RIMS2: variants seen among roughly 807,000 people sequenced by gnomAD.
RIMS2 encodes the protein regulating synaptic membrane exocytosis 2.
Under a neutral mutation model 174.4 loss-of-function variants are expected in RIMS2, and 59 were observed. The ratio of observed to expected loss-of-function variants is 0.34; its 90% CI spans 0.27 to 0.42. The LOEUF is 0.42. RIMS2 is among the 10% of genes least tolerant of loss of function. The pLI, the probability that RIMS2 is intolerant of heterozygous loss-of-function variation, is 1.00. For missense variants in RIMS2, 1,620 were observed against 1,666.3 expected, an observed-to-expected ratio of 0.97 and a Z score of 0.48; for synonymous variants, 606 against 572.5, an observed-to-expected ratio of 1.06 and a Z score of -0.84.
At chr8:104,129,554 G>C (rs576594341) in intron 19 of RIMS2, among the ~76,000 whole-genome samples, 1 of 152,336 alleles carries the variant, frequency 6.6e-6, no homozygotes, top group Admixed American at 6.5e-5. Flanking sequence ...GCCAGATAGG[G>C]CGATGCATTC....
chr8:104,049,852 A>C (rs1410967320), intron 19 of RIMS2, among the ~76,000 whole-genome samples: 1 of 152,264 alleles, frequency 6.6e-6, no homozygotes, highest in East Asian at 1.9e-4. Flanking sequence ...TTAAATGTCT[A>C]GCAGGTGGCC....
At chr8:104,039,829 T>C (rs1334842229) in intron 19 of RIMS2, among the ~76,000 whole-genome samples, 1 of 151,730 alleles carries the variant, frequency 6.6e-6, no homozygotes, top group East Asian at 1.9e-4. Flanking sequence ...TTAATGTGTA[T>C]TAGTATATTT....
At chr8:103,767,012 T>A (rs1436931957) in intron 3 of RIMS2, among the ~76,000 whole-genome samples, 1 of 152,178 alleles carries the variant, frequency 6.6e-6, no homozygotes, top group Non-Finnish European at 1.5e-5. Context: ...ATCAGGTTTA[T>A]AGTGAAGGAT....
intron 1 of RIMS2, among the ~76,000 whole-genome samples, chr8:103,585,898 T>A (rs1311287838): frequency 1.3e-5 from 2 of 149,612 alleles, no homozygotes; most frequent in Admixed American, 6.6e-5. Context: ...AGAAAAATTT[T>A]AAAAAATTGC....
At chr8:103,989,790 A>C (rs559315831) in intron 17 of RIMS2, among the ~76,000 whole-genome samples, 2 of 152,340 alleles carry the variant, frequency 1.3e-5, no homozygotes, top group African/African-American at 2.4e-5. Flanking sequence ...ATGAGACAAA[A>C]GATTTTAAAG....
At chr8:103,904,023 C>A (rs1173567908) in intron 4 of RIMS2, among the ~76,000 whole-genome samples, 2 of 152,008 alleles carry the variant, frequency 1.3e-5, no homozygotes, top group Non-Finnish European at 2.9e-5. Flanking sequence ...ATATAACCAC[C>A]ACTTCTATAA....
intron 1 of RIMS2, among the ~76,000 whole-genome samples, chr8:103,648,068 T>TC (rs1404045369): frequency 6.6e-6 from 1 of 152,024 alleles, no homozygotes; most frequent in African/African-American, 2.4e-5. Context: ...GCTATAAATT[T>TC]CCCCCCTAAC....
chr8:103,900,926 A>T (rs940533295), intron 4 of RIMS2, among the ~76,000 whole-genome samples: 12 of 152,088 alleles, frequency 7.9e-5, no homozygotes, highest in African/African-American at 2.9e-4. Context: ...TGTTTTGATT[A>T]TATAGATTGG....
chr8:103,533,447 G>A (rs916521929), intron 1 of RIMS2, among the ~76,000 whole-genome samples: 52 of 152,048 alleles, frequency 3.4e-4, no homozygotes, highest in African/African-American at 1.2e-3. Context: ...TGAATAGTCA[G>A]TGTGGAACAA....
chr8:103,693,724 G>A (rs1410871876), intron 1 of RIMS2, among the ~76,000 whole-genome samples: 4 of 152,172 alleles, frequency 2.6e-5, no homozygotes, highest in Non-Finnish European at 5.9e-5. Flanking sequence ...GTCAGCAGGT[G>A]TGTGTCCCTG....
At chr8:103,763,780 A>G (rs117296789) in intron 2 of RIMS2, among the ~76,000 whole-genome samples, 8,218 of 152,234 alleles carry the variant, frequency 0.054, 320 homozygotes, top group Non-Finnish European at 0.079. Context: ...TAGTGTTTCC[A>G]ATTCTTTTTC....
intron 17 of RIMS2, among the ~76,000 whole-genome samples, chr8:104,010,899 T>G (rs902892276): frequency 6.6e-6 from 1 of 152,184 alleles, no homozygotes; most frequent in Non-Finnish European, 1.5e-5. Flanking sequence ...AAATGACTTA[T>G]ATTGAAATAA....
rs145506601 is a variant in RIMS2, at chr8:104,233,358, G to A, written c.3335-11558G>A. Among the ~76,000 whole-genome samples, 74 of 152,160 alleles carry A rather than the reference G, an allele frequency of 4.9e-4. No individual in the cohort carries two copies. The East Asian group carries it at 8.7e-3, about 18-fold the overall frequency. ...AGCTGAAAACAAGTTATCTGCCTCC[G>A]TTATCTGACTCTGTTAAATCTAATT... On this transcript the variant is annotated intron_variant, in intron 19 of 23. Coordinates refer to ENST00000504942, the Ensembl canonical transcript of RIMS2.
chr8:103,607,399 G>A (rs553944151), intron 1 of RIMS2, among the ~76,000 whole-genome samples: 1 of 151,806 alleles, frequency 6.6e-6, no homozygotes, highest in Non-Finnish European at 1.5e-5. Flanking sequence ...TTCCCTTTGA[G>A]GGTAACCCGA....
chr8:103,658,797 A>G (rs1219530023), intron 1 of RIMS2, among the ~76,000 whole-genome samples: 1 of 151,252 alleles, frequency 6.6e-6, no homozygotes, highest in African/African-American at 2.4e-5. Flanking sequence ...ATCTCAGGTC[A>G]TAGAGAGTTG....
chr8:104,133,134 C>T (rs963835781), intron 19 of RIMS2, among the ~76,000 whole-genome samples: 3 of 152,194 alleles, frequency 2.0e-5, no homozygotes, highest in Non-Finnish European at 4.4e-5. Context: ...ACTTCATAAC[C>T]TTTCTGCCCT....
chr8:103,780,319 C>T (rs985470612), intron 3 of RIMS2, among the ~76,000 whole-genome samples: 3 of 152,092 alleles, frequency 2.0e-5, no homozygotes, highest in Non-Finnish European at 4.4e-5. Flanking sequence ...AACATTATTT[C>T]TTTGAAGCTT....
chr8:103,859,255 C>T lies in RIMS2; in HGVS notation c.699-26043C>T, dbSNP rs538819450. Among the ~76,000 whole-genome samples, 29 of 152,178 alleles carry T rather than the reference C, an allele frequency of 1.9e-4. No homozygotes were observed. In the East Asian group the frequency reaches 5.0e-3, roughly 26 times the overall value. The stretch of plus-strand genomic sequence containing the variant: ...TAAACCCACTGGAACCTTCACTTTC[C>T]GTAATATAAATGAGGACTGAGGAAA... On this transcript the variant is annotated intron_variant, in intron 3 of 23. Transcript: ENST00000504942.
chr8:103,980,847 G>A (rs2093837716), intron 16 of RIMS2, among the ~76,000 whole-genome samples: 1 of 152,152 alleles, frequency 6.6e-6, no homozygotes, highest in South Asian at 2.1e-4. Flanking sequence ...TCTGCCTGTG[G>A]TAAGGGGAGG....
Sources: gnomAD v4.1 joint callset for allele counts (sites outside exome capture counted in the v4.1 genomes callset) on GRCh38, gnomAD v4.1.1 for gene constraint, MANE v1.5 for transcripts, NCBI Gene and HGNC (gene_info 2026-07-23, HGNC 2026-07-21) for gene names.